The following DMD variants were observed in gnomAD, a reference collection of about 807,000 sequenced individuals.
DMD encodes the protein dystrophin, also known as mutant dystrophin.
DMD carries 63 observed loss-of-function variants against 330.1 expected under a neutral mutation model. That is an observed-to-expected ratio of 0.19 (90% confidence interval 0.16 to 0.24). The LOEUF (loss-of-function observed/expected upper bound fraction) is 0.24, where lower values mean the gene tolerates loss of function less well. Ranked by LOEUF, DMD falls within the 10% of genes least tolerant of loss-of-function variation. The pLI is 1.00. For missense variants in DMD, 3,344 were observed against 2,684.1 expected (o/e 1.25, Z -5.43); for synonymous variants, 1,223 against 959.8 (o/e 1.27, Z -5.07).
intron 2 of DMD, among the ~76,000 whole-genome samples, chrX:32,950,250 G>T (rs981114731): frequency 5.4e-5 from 6 of 110,979 alleles, no homozygotes; most frequent in Non-Finnish European, 1.1e-4. Context: ...CTTAAAACAG[G>T]CCAAATACTG....
At chrX:31,295,329 G>A (rs1352694997) in intron 62 of DMD, among the ~76,000 whole-genome samples, 11 of 110,966 alleles carry the variant, frequency 9.9e-5, no homozygotes, top group Non-Finnish European at 1.9e-4. Flanking sequence ...CAGAATGTGT[G>A]TGTTAGCATT....
At chrX:31,523,492 T>C (rs960424063) in intron 55 of DMD, among the ~76,000 whole-genome samples, 4 of 112,135 alleles carry the variant, frequency 3.6e-5, no homozygotes, top group African/African-American at 1.3e-4. Context: ...TTACTCCCAG[T>C]GAGCCTACGT....
In DMD at chrX:32,777,277, T is replaced by TGGGGGGGGGGGGGGGGGGG. The variant is rs546914107; in HGVS notation, c.649+32215_649+32216insCCCCCCCCCCCCCCCCCCC. ...CTAGTTTTTAAGTTTGGTTTCTGGT[T>TGGGGGGGGGGGGGGGGGGG]GGGGGGGGAATCCTACCAAGCTAGG... On this transcript the variant is annotated intron_variant, in intron 7 of 78. Coordinates refer to ENST00000357033, the MANE Select transcript of DMD (RefSeq NM_004006.3). Among the ~76,000 whole-genome samples the TGGGGGGGGGGGGGGGGGGG allele has an allele frequency of 4.7e-3, 10 of 2,109 alleles. 1 individual carries two copies. Among genetic ancestry groups the TGGGGGGGGGGGGGGGGGGG allele is most frequent in the African/African-American group, 0.013 (4 of 319 alleles). 1.8% of individuals were successfully genotyped at this position (2,109 alleles called of 115,157 possible).
chrX:32,547,551 G>C (rs1383238675), intron 16 of DMD, among the ~76,000 whole-genome samples: 3 of 110,894 alleles, frequency 2.7e-5, no homozygotes, highest in Non-Finnish European at 5.7e-5. Context: ...TGTAAATATA[G>C]GGTAGAACTC....
chrX:32,865,281 GAATAT>G (rs1569536377), intron 2 of DMD, among the ~76,000 whole-genome samples: 2 of 111,224 alleles, frequency 1.8e-5, no homozygotes, highest in African/African-American at 6.6e-5. Flanking sequence ...ACATTTAAGC[GAATAT>G]AATTATAGCA....
intron 50 of DMD, among the ~76,000 whole-genome samples, chrX:31,803,082 G>A (rs2092138494): frequency 8.9e-6 from 1 of 112,265 alleles, no homozygotes; most frequent in Admixed American, 9.4e-5. Context: ...AAGGAATAGT[G>A]GTTAAAAATA....
chrX:32,698,380 C>T (rs2063813724), intron 8 of DMD, among the ~76,000 whole-genome samples: 1 of 111,575 alleles, frequency 9.0e-6, no homozygotes, highest in African/African-American at 3.3e-5. Flanking sequence ...CTGGAAAGGA[C>T]TAAAAATTTC....
chrX:33,069,239 T>G (rs5928167), intron 1 of DMD, among the ~76,000 whole-genome samples: 44,972 of 109,474 alleles, frequency 0.41, 7,099 homozygotes, highest in East Asian at 0.73. Context: ...CTTCAACAAG[T>G]TCATCTGCCA....
At chrX:32,935,655 C>T (rs770488241) in intron 2 of DMD, among the ~76,000 whole-genome samples, 5 of 110,913 alleles carry the variant, frequency 4.5e-5, no homozygotes, top group South Asian at 7.6e-4. Context: ...ATCCTTTTTG[C>T]GCTGAATATA....
rs138386494 is a variant in DMD at position 32,167,433 on chromosome X, C to A, written c.6438+49483G>T. Among the ~76,000 whole-genome samples, 6 of 111,730 alleles carry A rather than the reference C, an allele frequency of 5.4e-5. No homozygotes were observed. In the East Asian group the frequency reaches 1.1e-3, roughly 21 times the overall value. ...GGTCCAGTTTCTTAACTTCTTGAAGCCTTAATTTCCTCAACTGTGACTTGG... is the reference window on the plus strand; with the variant it reads ...GGTCCAGTTTCTTAACTTCTTGAAGACTTAATTTCCTCAACTGTGACTTGG... On this transcript the variant is annotated intron_variant, in intron 44 of 78. Transcript: ENST00000357033.
intron 7 of DMD, among the ~76,000 whole-genome samples, chrX:32,767,769 C>T (rs879249759): frequency 6.3e-5 from 7 of 111,340 alleles, no homozygotes; most frequent in South Asian, 3.7e-4. Context: ...TCACAAGAAC[C>T]GATGCTTTCA....
chrX:32,269,798 T>C (rs1475316), intron 43 of DMD, among the ~76,000 whole-genome samples: 47,532 of 110,995 alleles, frequency 0.43, 8,020 homozygotes, highest in East Asian at 0.87. Context: ...AAACAGGTTT[T>C]TATTTTGTTT....
chrX:32,878,814 C>A (rs1404396624), intron 2 of DMD, among the ~76,000 whole-genome samples: 2 of 108,309 alleles, frequency 1.8e-5, no homozygotes, highest in Non-Finnish European at 3.8e-5. Flanking sequence ...TCGAGACCAG[C>A]CTGACCGAGA....
chrX:32,104,041 C>T (rs1388108170), intron 44 of DMD, among the ~76,000 whole-genome samples: 1 of 110,714 alleles, frequency 9.0e-6, no homozygotes, highest in Admixed American at 9.7e-5. Context: ...GAGTTCAGGG[C>T]TTGGGAGTGG....
At position 32,485,590 on chromosome X, in the gene DMD, AATTATATAG is replaced by A. The variant is rs1417376606; in HGVS notation, c.2623-500_2623-492del. Among the ~76,000 whole-genome samples the A allele has an allele frequency of 1.9e-4, 21 of 109,124 alleles. No homozygotes were observed. In the South Asian group the frequency reaches 2.0e-3, roughly 10 times the overall value. The allele number at this position is 109,124 out of a possible 115,157, so 94.8% of individuals were successfully genotyped here. ...TATAATTATAAATATATTTTGATAC[AATTATATAG>A]ATTATATACACACATATAAAATCTA... On this transcript the variant is annotated intron_variant, in intron 20 of 78. Transcript: ENST00000357033.
At chrX:33,013,537 C>T (rs1251394467) in intron 2 of DMD, among the ~76,000 whole-genome samples, 1 of 111,650 alleles carries the variant, frequency 9.0e-6, no homozygotes, top group East Asian at 2.8e-4. Context: ...AAACAGGAAG[C>T]CAGGGGCACA....
chrX:33,069,571 A>C (rs1167592261), intron 1 of DMD, among the ~76,000 whole-genome samples: 1 of 111,913 alleles, frequency 8.9e-6, no homozygotes, highest in African/African-American at 3.2e-5. Flanking sequence ...TGCTATGAAG[A>C]GGACCTTGTC....
chrX:32,684,265 G>C (rs890398028), intron 9 of DMD, among the ~76,000 whole-genome samples: 1 of 111,439 alleles, frequency 9.0e-6, no homozygotes, highest in South Asian at 3.7e-4. Context: ...GTAACACACA[G>C]ATATATACTC....
chrX:32,631,501 C>T (rs2058726793), intron 11 of DMD, among the ~76,000 whole-genome samples: 1 of 111,806 alleles, frequency 8.9e-6, no homozygotes, highest in Non-Finnish European at 1.9e-5. Context: ...TCTCACAATG[C>T]TATAAAGAAA....
Sources: allele counts gnomAD v4.1 joint callset (sites outside exome capture counted in the v4.1 genomes callset), GRCh38; gene constraint gnomAD v4.1.1; transcripts MANE v1.5; gene names NCBI Gene and HGNC (gene_info 2026-07-23, HGNC 2026-07-21).